The following RANBP2 variants were observed in gnomAD, a reference collection of about 807,000 sequenced individuals.
The protein encoded by RANBP2 is E3 SUMO-protein ligase RanBP2.
RANBP2 carries 57 observed loss-of-function variants against 303.6 expected under a neutral mutation model. The observed-to-expected ratio is 0.19, with a 90% CI of 0.15 to 0.23. The LOEUF (loss-of-function observed/expected upper bound fraction) is 0.23. RANBP2 is among the 10% of genes least tolerant of loss of function. The pLI, the probability that RANBP2 is intolerant of heterozygous loss-of-function variation, is 1.00. For missense variants in RANBP2, 3,138 were observed against 3,780.8 expected, an observed-to-expected ratio of 0.83 and a Z score of 4.46; for synonymous variants, 1,167 against 1,301.5, an observed-to-expected ratio of 0.90 and a Z score of 2.23.
intron 8 of RANBP2, among the ~76,000 whole-genome samples, chr2:108,747,882 A>T (rs888562462): frequency 6.6e-6 from 1 of 152,168 alleles, no homozygotes; most frequent in Non-Finnish European, 1.5e-5. Context: ...GAGTATTACC[A>T]CTGTCACCAC....
chr2:108,917,490 G>A, the RANBP2 span, among the ~76,000 whole-genome samples: 1 of 152,164 alleles, frequency 6.6e-6, no homozygotes, highest in African/African-American at 2.4e-5. Context: ...ATGACACTTT[G>A]TATACATGTA....
the RANBP2 span, among the ~76,000 whole-genome samples, chr2:109,671,194 G>A: frequency 6.6e-6 from 1 of 152,210 alleles, no homozygotes; most frequent in Non-Finnish European, 1.5e-5. Context: ...TTGGAGGCTG[G>A]AGGCTGGAGC....
rs774782423 is a variant in RANBP2, at chr2:108,766,782, A to C, written c.6243A>C (p.Leu2081=). 2.5e-6 allele frequency: 4 copies of C among 1,611,922 alleles called. No individual in the cohort carries two copies. The East Asian group carries it at 8.9e-5, about 36-fold the overall frequency. Residue 2081 remains leucine (L), a synonymous_variant, in exon 20 of 29, where the codon CTA becomes CTC. Transcript: ENST00000283195. Reference sequence around the variant, plus strand: ...TGCTGATGCGAAGAGAACAAGTACTAAAAGTGTGTGCTAATCATTGGATAA... The same window carrying C: ...TGCTGATGCGAAGAGAACAAGTACTCAAAGTGTGTGCTAATCATTGGATAA... ...LRMLMRREQV[L]KVCANHWITT...
chr2:108,793,672 C>G, the RANBP2 span, among the ~76,000 whole-genome samples: 1 of 151,720 alleles, frequency 6.6e-6, no homozygotes, highest in African/African-American at 2.4e-5. Context: ...TCTGGGCTCA[C>G]TGTAAGCTCC....
At chr2:109,524,469 AAAC>A in the RANBP2 span, among the ~76,000 whole-genome samples, 2,159 of 80,830 alleles carry the variant, frequency 0.027, 82 homozygotes, top group African/African-American at 0.091. Context: ...AAAAAAAACA[AAAC>A]AACACTGGGC....
the RANBP2 span, among the ~76,000 whole-genome samples, chr2:109,411,150 C>G: frequency 2.0e-5 from 3 of 152,204 alleles, no homozygotes; most frequent in Admixed American, 2.0e-4. Context: ...TCCCTGGTGT[C>G]ACAGTCAGCA....
chr2:109,673,213 T>G, the RANBP2 span, among the ~76,000 whole-genome samples: 6 of 152,180 alleles, frequency 3.9e-5, no homozygotes, highest in Admixed American at 1.3e-4. Context: ...TGAACATGAA[T>G]TTTTAAACTG....
chr2:109,567,950 T>C, the RANBP2 span: 1 of 1,612,466 alleles, frequency 6.2e-7, no homozygotes, highest in Non-Finnish European at 8.5e-7. Flanking sequence ...CCGTATCTGC[T>C]TTGGCAATCA....
At chr2:109,133,057 G>A in the RANBP2 span, among the ~76,000 whole-genome samples, 2 of 152,206 alleles carry the variant, frequency 1.3e-5, no homozygotes, top group South Asian at 4.1e-4. Flanking sequence ...AAACAAGACT[G>A]GCTTGGGCTT....
chr2:108,778,945 G>T (rs1678056269), intron 25 of RANBP2, among the ~76,000 whole-genome samples: 1 of 152,112 alleles, frequency 6.6e-6, no homozygotes, highest in South Asian at 2.1e-4. Flanking sequence ...ACCCAGGCTG[G>T]TCTCAAACTC....
the RANBP2 span, among the ~76,000 whole-genome samples, chr2:109,492,408 G>T: frequency 6.6e-6 from 1 of 152,142 alleles, no homozygotes; most frequent in Non-Finnish European, 1.5e-5. Context: ...CTGCTAACCA[G>T]TGAGAACGGA....
the RANBP2 span, among the ~76,000 whole-genome samples, chr2:108,833,306 A>T: frequency 6.6e-6 from 1 of 152,234 alleles, no homozygotes; most frequent in African/African-American, 2.4e-5. Context: ...ACTGGTAAAG[A>T]TGTTAATAAT....
At chr2:109,567,871 T>G in the RANBP2 span, 1 of 1,613,988 alleles carries the variant, frequency 6.2e-7, no homozygotes, top group Non-Finnish European at 8.5e-7. Flanking sequence ...AACTGGTATA[T>G]CTGGACGCCA....
At chr2:108,917,353 G>A in the RANBP2 span, among the ~76,000 whole-genome samples, 2 of 152,138 alleles carry the variant, frequency 1.3e-5, no homozygotes, top group Non-Finnish European at 2.9e-5. Context: ...ACGCTGCAGG[G>A]TGACTACAGC....
At chr2:109,371,848 G>T in the RANBP2 span, among the ~76,000 whole-genome samples, 15 of 152,176 alleles carry the variant, frequency 9.9e-5, no homozygotes, top group Non-Finnish European at 1.9e-4. Context: ...CACCTCATGG[G>T]GTCAGTGCTG....
the RANBP2 span, chr2:109,313,499 G>A: frequency 1.9e-5 from 3 of 154,848 alleles, no homozygotes; most frequent in African/African-American, 4.8e-5. Context: ...TCCTTGCTGG[G>A]TGAGCGCTGT....
At chr2:109,515,041 A>C in the RANBP2 span, among the ~76,000 whole-genome samples, 17 of 152,118 alleles carry the variant, frequency 1.1e-4, no homozygotes, top group African/African-American at 4.1e-4. Flanking sequence ...GCCTGAATGC[A>C]AGTCCAGGGA....
the RANBP2 span, among the ~76,000 whole-genome samples, chr2:109,151,362 G>A: frequency 6.6e-6 from 1 of 152,082 alleles, no homozygotes; most frequent in Admixed American, 6.5e-5. Context: ...AAAAGCTAAT[G>A]GTTTAACAGG....
chr2:109,374,139 A>C, the RANBP2 span, among the ~76,000 whole-genome samples: 1 of 151,540 alleles, frequency 6.6e-6, no homozygotes, highest in East Asian at 2.0e-4. Flanking sequence ...TTCTGCCTCC[A>C]CTCTTGGGCA....
Sources: gnomAD v4.1 joint callset for allele counts (sites outside exome capture counted in the v4.1 genomes callset) on GRCh38, gnomAD v4.1.1 for gene constraint, MANE v1.5 for transcripts, NCBI Gene and HGNC (gene_info 2026-07-23, HGNC 2026-07-21) for gene names.